The following PPFIA2 variants were observed in gnomAD, a reference collection of about 807,000 sequenced individuals.
The protein encoded by PPFIA2 is liprin-alpha-2.
In PPFIA2, 46 loss-of-function variants were observed where a neutral mutation model predicts 175.5. That is an observed-to-expected ratio of 0.26 (90% CI 0.21 to 0.34). PPFIA2 has a LOEUF of 0.34. Among genes scored for constraint, PPFIA2 ranks in the 10% least tolerant of loss-of-function variants. PPFIA2 has a pLI of 1.00. For missense variants in PPFIA2, 1,179 were observed against 1,506.1 expected (o/e 0.78, Z 3.60); for synonymous variants, 568 against 511.4 (o/e 1.11, Z -1.49).
At chr12:81,737,440 A>T (rs1209740953) in intron 3 of PPFIA2, among the ~76,000 whole-genome samples, 1 of 152,036 alleles carries the variant, frequency 6.6e-6, no homozygotes, top group Non-Finnish European at 1.5e-5. Flanking sequence ...TGGCCAAAAA[A>T]AATAAATGTT....
intron 4 of PPFIA2, among the ~76,000 whole-genome samples, chr12:81,566,319 C>A (rs540093573): frequency 6.6e-6 from 1 of 151,882 alleles, no homozygotes; most frequent in Non-Finnish European, 1.5e-5. Context: ...GTCAAGAGAT[C>A]GAGACCATCC....
In PPFIA2 at chr12:81,491,587, A is replaced by C. The variant is rs1386157717; in HGVS notation, c.304-33721T>G. On this transcript the variant is annotated intron_variant, in intron 4 of 32. Transcript: ENST00000549396. ...GTGGAGCCCTCATGATGAAAAGAGG[A>C]GACATGAGATATTGCGCTCTCTCTC... Among the ~76,000 whole-genome samples, 8 of 151,990 alleles carry C rather than the reference A, an allele frequency of 5.3e-5. No homozygotes were observed. In the South Asian group the frequency reaches 1.7e-3, roughly 32 times the overall value.
chr12:81,423,615 C>T (rs532555125), intron 7 of PPFIA2, among the ~76,000 whole-genome samples: 58 of 152,126 alleles, frequency 3.8e-4, no homozygotes, highest in Admixed American at 2.0e-3. Context: ...AAAGATCATG[C>T]GGGAAAAGTA....
At position 81,754,111 on chromosome 12, in the gene PPFIA2, A is replaced by G. The variant is rs1188936959; in HGVS notation, c.111T>C (p.Asn37=). The G allele has an allele frequency of 6.2e-7, 1 of 1,613,808 alleles. No homozygotes were observed. The highest frequency in any genetic ancestry group is 1.7e-5 in the Admixed American group (1 of 60,000). ...GAAGACGATCCCTTTCATCTAGCAT[A>G]TTCACCATCAGCTGCTCAAAATGGG... is the stretch of plus-strand genomic sequence containing the variant. ...SDSHFEQLMV[N]MLDERDRLLD... is the part of the protein sequence containing the mutation. The change falls in exon 3 of 33, where the codon AAT becomes AAC. Residue 37 remains asparagine (N), a synonymous_variant. Coordinates refer to ENST00000549396, the MANE Select transcript of PPFIA2 (RefSeq NM_003625.5).
At chr12:81,499,052 A>T (rs908781187) in intron 4 of PPFIA2, among the ~76,000 whole-genome samples, 1 of 152,258 alleles carries the variant, frequency 6.6e-6, no homozygotes, top group African/African-American at 2.4e-5. Context: ...GCCATAAGCC[A>T]ATACTATAAA....
Position 81,708,237 on chromosome 12 carries a change from T to C in PPFIA2, c.250-31393A>G, listed in dbSNP as rs534420543. ...AAAAAAAAGAAATGTATAGTAATAA[T>C]ATACATTGTGTTTATTTTTATGTTT... On this transcript the variant is annotated intron_variant, in intron 3 of 32. Coordinates refer to ENST00000549396, the MANE Select transcript of PPFIA2 (RefSeq NM_003625.5). Among the ~76,000 whole-genome samples the C allele has an allele frequency of 2.6e-5, 4 of 152,054 alleles. No homozygotes were observed. The South Asian group carries it at 8.3e-4, about 32-fold the overall frequency.
chr12:81,663,214 A>G (rs1173945859), intron 4 of PPFIA2, among the ~76,000 whole-genome samples: 1 of 152,160 alleles, frequency 6.6e-6, no homozygotes, highest in Non-Finnish European at 1.5e-5. Flanking sequence ...GGAGGAAATA[A>G]AGGGTATTCA....
chr12:81,420,903 A>T (rs1480598857), intron 7 of PPFIA2, among the ~76,000 whole-genome samples: 2 of 152,064 alleles, frequency 1.3e-5, no homozygotes, highest in East Asian at 3.9e-4. Flanking sequence ...GGACAAAGAG[A>T]TTAGAAAGCC....
intron 4 of PPFIA2, among the ~76,000 whole-genome samples, chr12:81,581,063 T>C (rs2074330347): frequency 6.6e-6 from 1 of 151,454 alleles, no homozygotes; most frequent in South Asian, 2.1e-4. Context: ...AGTGAGATTT[T>C]AGCACACAGA....
chr12:81,575,549 A>G (rs989422922), intron 4 of PPFIA2, among the ~76,000 whole-genome samples: 51 of 151,902 alleles, frequency 3.4e-4, no homozygotes, highest in African/African-American at 1.1e-3. Context: ...CATCGGTGAT[A>G]TAAAGGTGAA....
intron 19 of PPFIA2, 87 bp downstream of exon 19, chr12:81,344,577 C>A: frequency 1.0e-6 from 1 of 964,320 alleles, no homozygotes; most frequent in South Asian, 1.9e-5. Context: ...GTTTTATCAA[C>A]ATTCGACTAG....
chr12:81,541,150 G>A (rs2066149807), intron 4 of PPFIA2, among the ~76,000 whole-genome samples: 1 of 152,044 alleles, frequency 6.6e-6, no homozygotes, highest in Non-Finnish European at 1.5e-5. Flanking sequence ...GATACATGTT[G>A]TTAAATAGTC....
chr12:81,705,271 G>A (rs1471543711), intron 3 of PPFIA2, among the ~76,000 whole-genome samples: 1 of 149,864 alleles, frequency 6.7e-6, no homozygotes, highest in Admixed American at 6.7e-5. Flanking sequence ...TGGCCAACAC[G>A]GTGAAACCCC....
intron 4 of PPFIA2, among the ~76,000 whole-genome samples, chr12:81,516,024 T>C (rs1447342738): frequency 6.6e-6 from 1 of 152,074 alleles, no homozygotes; most frequent in Non-Finnish European, 1.5e-5. Flanking sequence ...TTATATTTTT[T>C]CCACATGGAT....
chr12:81,629,176 T>A (rs546349316), intron 4 of PPFIA2, among the ~76,000 whole-genome samples: 1 of 152,144 alleles, frequency 6.6e-6, no homozygotes, highest in East Asian at 1.9e-4. Context: ...TATTTATATA[T>A]AATATGAATT....
chr12:81,751,802 A>C (rs2083852436), intron 3 of PPFIA2, among the ~76,000 whole-genome samples: 3 of 152,144 alleles, frequency 2.0e-5, no homozygotes, highest in African/African-American at 7.2e-5. Flanking sequence ...TTACAAAGAG[A>C]TTTACCTCCA....
intron 4 of PPFIA2, among the ~76,000 whole-genome samples, chr12:81,556,047 C>T (rs2068802901): frequency 6.6e-6 from 1 of 152,002 alleles, no homozygotes; most frequent in South Asian, 2.1e-4. Context: ...ATTCTGACAT[C>T]ACTGGTCTGT....
At chr12:81,566,530 C>CAAAAAAAAAAAAAAAAAAAAAAAAA (rs3075452) in intron 4 of PPFIA2, among the ~76,000 whole-genome samples, 6 of 68,444 alleles carry the variant, frequency 8.8e-5, no homozygotes, top group East Asian at 8.5e-4. Flanking sequence ...GACTCCAACT[C>CAAAAAAAAAAAAAAAAAAAAAAAAA]AAAAAAAAAA....
intron 7 of PPFIA2, among the ~76,000 whole-genome samples, chr12:81,409,214 G>T (rs1283672039): frequency 6.6e-6 from 1 of 152,086 alleles, no homozygotes. Flanking sequence ...CACTGAGAGG[G>T]AATGTTGTCA....
Sources: allele counts gnomAD v4.1 joint callset (sites outside exome capture counted in the v4.1 genomes callset), GRCh38; gene constraint gnomAD v4.1.1; transcripts MANE v1.5; gene names NCBI Gene and HGNC (gene_info 2026-07-23, HGNC 2026-07-21).